The following MBNL2 variants were observed in gnomAD, a reference collection of about 807,000 sequenced individuals.
The protein encoded by MBNL2 is muscleblind-like protein 2.
In MBNL2, 17 loss-of-function variants were observed where a neutral mutation model predicts 41.9. The ratio of observed to expected loss-of-function variants is 0.41; its 90% CI spans 0.28 to 0.61. The LOEUF is 0.61. Among genes scored for constraint, MBNL2 ranks in the 20% least tolerant of loss-of-function variants. The pLI, the probability that MBNL2 is intolerant of heterozygous loss-of-function variation, is 0.35. For synonymous variants in MBNL2, 195 were observed against 182.9 expected (o/e 1.07, Z -0.53); for missense variants, 336 against 505.6 (o/e 0.66, Z 3.22).
chr13:97,147,857 A>G, the MBNL2 span, among the ~76,000 whole-genome samples: 3 of 152,156 alleles, frequency 2.0e-5, no homozygotes, highest in Admixed American at 2.0e-4. Context: ...TGGGTTCCAG[A>G]GTTAGGGGGC....
At chr13:97,330,304 CCCTAGCTGAGGCT>C (rs1281980553) in intron 2 of MBNL2, among the ~76,000 whole-genome samples, 1 of 152,154 alleles carries the variant, frequency 6.6e-6, no homozygotes, top group Non-Finnish European at 1.5e-5. Context: ...ACCTTACTGG[CCCTAGCTGAGGCT>C]CCTAGCTCCC....
chr13:97,154,172 A>G, the MBNL2 span, among the ~76,000 whole-genome samples: 1 of 152,178 alleles, frequency 6.6e-6, no homozygotes, highest in African/African-American at 2.4e-5. Context: ...CTGGAAGCCC[A>G]AAGTCATAAA....
At chr13:97,168,057 C>A in the MBNL2 span, among the ~76,000 whole-genome samples, 2 of 152,230 alleles carry the variant, frequency 1.3e-5, no homozygotes, top group African/African-American at 4.8e-5. Flanking sequence ...CCTCTGCCTC[C>A]CAGTTTCACG....
At chr13:97,279,555 T>G (rs1168706906) in intron 2 of MBNL2, among the ~76,000 whole-genome samples, 2 of 152,224 alleles carry the variant, frequency 1.3e-5, no homozygotes, top group South Asian at 4.1e-4. Flanking sequence ...AAGAATTAAC[T>G]GTGTGAATGA....
the MBNL2 span, chr13:97,179,536 C>G: frequency 6.6e-6 from 1 of 152,314 alleles, no homozygotes; most frequent in Admixed American, 6.5e-5. Context: ...GGACTGTCTT[C>G]TGGGCTGATT....
intron 8 of MBNL2, among the ~76,000 whole-genome samples, chr13:97,384,551 T>C (rs2153164813): frequency 6.6e-6 from 1 of 152,220 alleles, no homozygotes; most frequent in East Asian, 1.9e-4. Flanking sequence ...TATTAAATGG[T>C]GCACAGACTA....
chr13:97,266,861 A>G (rs2049933888), intron 1 of MBNL2, among the ~76,000 whole-genome samples: 1 of 152,244 alleles, frequency 6.6e-6, no homozygotes, highest in African/African-American at 2.4e-5. Context: ...CCTATAAATT[A>G]CTTAATGGAT....
rs1337755203 is a variant in MBNL2 at position 97,392,222 on chromosome 13, A to T, written c.*773A>T. 6.6e-6 allele frequency: 1 copy of T among 152,602 alleles called. No homozygotes were observed. Among genetic ancestry groups the T allele is most frequent in the East Asian group, 1.9e-4 (1 of 5,202 alleles). The allele number at this position is 152,602 out of a possible 1,614,324, so 9.5% of individuals were successfully genotyped here. A position where few individuals can be genotyped will look rare whatever the true frequency, so the allele number is the denominator to read the frequency against. The stretch of plus-strand genomic sequence containing the variant: ...TCTAATCTAAGAGATTAGTCTTTCA[A>T]ACTCACCATCCAGTTGCCTGTTACA... On this transcript the variant is annotated 3_prime_UTR_variant, in exon 9 of 9. Transcript: ENST00000679496.
chr13:97,313,819 C>T (rs563985422), intron 2 of MBNL2, among the ~76,000 whole-genome samples: 1 of 152,244 alleles, frequency 6.6e-6, no homozygotes, highest in Admixed American at 6.5e-5. Flanking sequence ...ACATGTAAGC[C>T]CTTTATGCTC....
chr13:97,331,634 G>C (rs1387034417), intron 2 of MBNL2, among the ~76,000 whole-genome samples: 1 of 152,100 alleles, frequency 6.6e-6, no homozygotes, highest in African/African-American at 2.4e-5. Context: ...GTTATATATG[G>C]CCTTGGGAAA....
At chr13:97,306,832 T>C (rs2058169597) in intron 2 of MBNL2, among the ~76,000 whole-genome samples, 2 of 152,216 alleles carry the variant, frequency 1.3e-5, no homozygotes, top group Non-Finnish European at 2.9e-5. Flanking sequence ...CAGTAGAGTC[T>C]GGTGTTGTTG....
At chr13:97,367,027 A>G (rs1282582334) in intron 8 of MBNL2, among the ~76,000 whole-genome samples, 2 of 152,164 alleles carry the variant, frequency 1.3e-5, no homozygotes, top group Admixed American at 1.3e-4. Context: ...TCTTATGATC[A>G]TTTGACCTCA....
chr13:97,151,732 T>A, the MBNL2 span, among the ~76,000 whole-genome samples: 1 of 152,180 alleles, frequency 6.6e-6, no homozygotes, highest in East Asian at 1.9e-4. Flanking sequence ...GCCTCCATTT[T>A]CATCCCCCTT....
At chr13:97,367,979 G>A (rs2064000657) in intron 8 of MBNL2, among the ~76,000 whole-genome samples, 1 of 152,140 alleles carries the variant, frequency 6.6e-6, no homozygotes, top group South Asian at 2.1e-4. Flanking sequence ...TCCATTATTA[G>A]GTCCAAAGCT....
Position 97,276,124 on chromosome 13 carries a change from T to C in MBNL2, c.-112T>C. 1 of 783,658 alleles carries C rather than the reference T, an allele frequency of 1.3e-6. No individual in the cohort carries two copies. The highest frequency in any genetic ancestry group is 2.1e-6 in the Non-Finnish European group (1 of 472,082). The allele number at this position is 783,658 out of a possible 1,614,324, so 48.5% of individuals were successfully genotyped here. On this transcript the variant is annotated 5_prime_UTR_variant, in exon 2 of 9. Transcript: ENST00000679496. ...TGGACTTCACTAAGCAATTTATCAC[T>C]CACCTTCAGACTTACATGTGGGAGT...
intron 5 of MBNL2, among the ~76,000 whole-genome samples, chr13:97,356,443 T>TA (rs1406293126): frequency 2.6e-5 from 4 of 152,070 alleles, no homozygotes; most frequent in Non-Finnish European, 4.4e-5. Flanking sequence ...TGAAGCAATA[T>TA]AAAAAATGCT....
At chr13:97,377,481 C>T (rs1332649887) in intron 8 of MBNL2, among the ~76,000 whole-genome samples, 6 of 152,160 alleles carry the variant, frequency 3.9e-5, no homozygotes, top group Admixed American at 3.9e-4. Context: ...TTCCTCCCTA[C>T]AATTTAGAAC....
At chr13:97,315,977 A>T (rs967751327) in intron 2 of MBNL2, among the ~76,000 whole-genome samples, 14 of 152,218 alleles carry the variant, frequency 9.2e-5, no homozygotes, top group African/African-American at 3.4e-4. Context: ...GTTTGTTCTC[A>T]ATTTCTTTCA....
At chr13:97,258,048 C>T (rs1247641045) in intron 1 of MBNL2, among the ~76,000 whole-genome samples, 1 of 151,976 alleles carries the variant, frequency 6.6e-6, no homozygotes, top group African/African-American at 2.4e-5. Flanking sequence ...CTGAGGAGCG[C>T]CCCCCGTCTG....
Sources: allele counts gnomAD v4.1 joint callset (sites outside exome capture counted in the v4.1 genomes callset), GRCh38; gene constraint gnomAD v4.1.1; transcripts MANE v1.5; gene names NCBI Gene and HGNC (gene_info 2026-07-23, HGNC 2026-07-21).